Variants in PALLD observed in about 807,000 individuals in gnomAD.
PALLD encodes palladin, cytoskeletal associated protein, also known as palladin.
PALLD carries 61 observed loss-of-function variants against 123.5 expected under a neutral mutation model. The ratio of observed to expected loss-of-function variants is 0.49; its 90% CI spans 0.40 to 0.61. The LOEUF (loss-of-function observed/expected upper bound fraction) is 0.61, where lower values mean the gene tolerates loss of function less well. Among genes scored for constraint, PALLD ranks in the 20% least tolerant of loss-of-function variants. The probability of loss-of-function intolerance (pLI) is 0.00; values close to 1 mark genes in which losing one functional copy is unlikely to be tolerated. For missense variants in PALLD, 1,273 were observed against 1,377.0 expected (o/e 0.92, Z 1.20); for synonymous variants, 465 against 496.4 (o/e 0.94, Z 0.84).
chr4:168,559,669 G>T (rs1159175690), intron 2 of PALLD, among the ~76,000 whole-genome samples: 1 of 152,062 alleles, frequency 6.6e-6, no homozygotes. Context: ...GGCCGAGGTG[G>T]GTGGATTGCT....
In PALLD at chr4:168,569,964, G is replaced by A. The variant is rs912732886; in HGVS notation, c.908+57552G>A. On this transcript the variant is annotated intron_variant, in intron 2 of 21. Coordinates refer to ENST00000505667, the MANE Select transcript of PALLD (RefSeq NM_001166108.2). ...ATTCCTGCCAAGCAATATTGACCAC[G>A]TTTCCTGTCTCTTCCCTTCTTGTGC... is the stretch of plus-strand genomic sequence containing the variant. 2.6e-5 allele frequency among the ~76,000 whole-genome samples: 4 copies of A among 152,114 alleles called. 1 individual carries two copies. In the South Asian group the frequency reaches 8.3e-4, roughly 31 times the overall value.
chr4:168,617,270 T>C (rs975859117), intron 2 of PALLD, among the ~76,000 whole-genome samples: 2 of 152,146 alleles, frequency 1.3e-5, no homozygotes, highest in African/African-American at 4.8e-5. Context: ...TTGTTTTCAG[T>C]TGTGGAATGG....
chr4:168,795,822 C>T (rs552739970), intron 10 of PALLD, among the ~76,000 whole-genome samples: 3 of 151,952 alleles, frequency 2.0e-5, no homozygotes, highest in Non-Finnish European at 2.9e-5. Flanking sequence ...AATTCTCCCC[C>T]CTCAAACTCC....
intron 10 of PALLD, among the ~76,000 whole-genome samples, chr4:168,838,563 G>T (rs1032058491): frequency 6.6e-6 from 1 of 151,750 alleles, no homozygotes; most frequent in African/African-American, 2.4e-5. Context: ...GTACACTCAG[G>T]ATCTGCCCAT....
intron 4 of PALLD, among the ~76,000 whole-genome samples, chr4:168,682,481 A>C (rs78404370): frequency 0.01 from 1,528 of 152,296 alleles, 14 homozygotes; most frequent in Middle Eastern, 0.017. Flanking sequence ...TAAATATCTC[A>C]CTAACTTATA....
chr4:168,828,130 A>G (rs976934642), intron 10 of PALLD, among the ~76,000 whole-genome samples: 1 of 152,198 alleles, frequency 6.6e-6, no homozygotes, highest in Non-Finnish European at 1.5e-5. Flanking sequence ...GTTATAGACA[A>G]CATTGATCAC....
chr4:168,785,993 T>C (rs1736697548), intron 10 of PALLD, among the ~76,000 whole-genome samples: 1 of 151,414 alleles, frequency 6.6e-6, no homozygotes, highest in Non-Finnish European at 1.5e-5. Flanking sequence ...GGCAATGGAA[T>C]ACAGTGTGAC....
intron 10 of PALLD, among the ~76,000 whole-genome samples, chr4:168,858,404 T>C (rs897832961): frequency 6.6e-5 from 10 of 152,236 alleles, no homozygotes; most frequent in African/African-American, 2.4e-4. Context: ...AAAGTATCCA[T>C]TGTAATCTCT....
At chr4:168,541,506 C>G (rs1472347790) in intron 2 of PALLD, among the ~76,000 whole-genome samples, 1 of 151,590 alleles carries the variant, frequency 6.6e-6, no homozygotes, top group African/African-American at 2.4e-5. Context: ...GACAGTCTTA[C>G]TCTGTCGCCC....
intron 10 of PALLD, among the ~76,000 whole-genome samples, chr4:168,840,909 G>C (rs1208602763): frequency 1.3e-5 from 2 of 152,086 alleles, no homozygotes; most frequent in Non-Finnish European, 2.9e-5. Context: ...GGAGTGCATT[G>C]GTGTAATCTC....
intron 8 of PALLD, among the ~76,000 whole-genome samples, chr4:168,694,145 T>G (rs1265475678): frequency 6.6e-6 from 1 of 152,188 alleles, no homozygotes; most frequent in Non-Finnish European, 1.5e-5. Context: ...GACTGTTATA[T>G]CTAATGGACC....
intron 10 of PALLD, among the ~76,000 whole-genome samples, chr4:168,787,801 C>T (rs149161900): frequency 0.011 from 1,601 of 152,276 alleles, 24 homozygotes; most frequent in African/African-American, 0.036. Flanking sequence ...TCCTAGCTCT[C>T]GAAGCAATAA....
chr4:168,713,381 G>A (rs865903766), intron 10 of PALLD, among the ~76,000 whole-genome samples: 1 of 152,194 alleles, frequency 6.6e-6, no homozygotes, highest in Admixed American at 6.5e-5. Context: ...TATTTGCAGT[G>A]CTTTTAATGA....
intron 10 of PALLD, among the ~76,000 whole-genome samples, chr4:168,785,856 T>TATAC: frequency 7.7e-6 from 1 of 129,036 alleles, no homozygotes; most frequent in Non-Finnish European, 1.7e-5. Context: ...GATATATATA[T>TATAC]ATATATATAT....
intron 1 of PALLD, among the ~76,000 whole-genome samples, chr4:168,497,949 A>G (rs1237777449): frequency 2.0e-5 from 3 of 152,208 alleles, no homozygotes; most frequent in African/African-American, 7.2e-5. Context: ...AAAAATACTA[A>G]TTGCCTTCTA....
intron 10 of PALLD, among the ~76,000 whole-genome samples, chr4:168,770,714 C>G (rs1734280435): frequency 6.6e-6 from 1 of 150,702 alleles, no homozygotes; most frequent in Non-Finnish European, 1.5e-5. Context: ...CTATACACTT[C>G]AGAGAGAGCC....
chr4:168,618,567 C>T (rs897674770), intron 2 of PALLD, among the ~76,000 whole-genome samples: 4 of 152,100 alleles, frequency 2.6e-5, no homozygotes, highest in African/African-American at 9.7e-5. Flanking sequence ...CTATTTAACC[C>T]CTTTCATTGT....
At chr4:168,723,874 T>A (rs1466388709) in intron 10 of PALLD, among the ~76,000 whole-genome samples, 2 of 151,522 alleles carry the variant, frequency 1.3e-5, no homozygotes, top group African/African-American at 4.9e-5. Context: ...AACCTCTAAG[T>A]ACGACTTTGA....
intron 2 of PALLD, among the ~76,000 whole-genome samples, chr4:168,664,886 G>T (rs1439263878): frequency 6.6e-6 from 1 of 152,100 alleles, no homozygotes; most frequent in Admixed American, 6.5e-5. Context: ...TCTATGATTG[G>T]AATCATTTGC....
Sources: gnomAD v4.1 joint callset for allele counts (sites outside exome capture counted in the v4.1 genomes callset) on GRCh38, gnomAD v4.1.1 for gene constraint, MANE v1.5 for transcripts, NCBI Gene and HGNC (gene_info 2026-07-23, HGNC 2026-07-21) for gene names.